MAP3K3: variants seen among roughly 807,000 people sequenced by gnomAD.
The protein encoded by MAP3K3 is mitogen-activated protein kinase kinase kinase 3.
Under a neutral mutation model 80.9 loss-of-function variants are expected in MAP3K3, and 12 were observed. The observed-to-expected ratio is 0.15, with a 90% CI of 0.10 to 0.24. The LOEUF is 0.24. Among genes scored for constraint, MAP3K3 ranks in the 10% least tolerant of loss-of-function variants. The pLI is 1.00. For missense variants in MAP3K3, 596 were observed against 834.7 expected (o/e 0.71, Z 3.52); for synonymous variants, 272 against 307.1 (o/e 0.89, Z 1.19).
chr17:63,642,376 C>T (rs538821560), intron 2 of MAP3K3, among the ~76,000 whole-genome samples: 89 of 152,190 alleles, frequency 5.8e-4, no homozygotes, highest in Non-Finnish European at 1.1e-3. Context: ...AATGTTGTCC[C>T]AGGGCTGGGG....
In MAP3K3 at chr17:63,662,409, T is replaced by C. The variant is rs573575643; in HGVS notation, c.381+4502T>C. 2.6e-5 allele frequency among the ~76,000 whole-genome samples: 4 copies of C among 152,056 alleles called. No individual in the cohort carries two copies. In the East Asian group the frequency reaches 7.7e-4, roughly 29 times the overall value. On this transcript the variant is annotated intron_variant, in intron 5 of 15. Coordinates refer to ENST00000361733, the MANE Select transcript of MAP3K3 (RefSeq NM_002401.5). ...CAGCCTGGGTGACAGAGTAAGACCC[T>C]GTCTCGAATAATAGTAATAATAACA...
chr17:63,655,291 G>C (rs1392074079), intron 4 of MAP3K3, among the ~76,000 whole-genome samples: 1 of 152,072 alleles, frequency 6.6e-6, no homozygotes, highest in African/African-American at 2.4e-5. Context: ...CCACCCCCGT[G>C]ATTCAGTTAC....
chr17:63,687,525 A>G (rs560227836), intron 8 of MAP3K3, among the ~76,000 whole-genome samples: 1 of 151,402 alleles, frequency 6.6e-6, no homozygotes, highest in South Asian at 2.1e-4. Flanking sequence ...AAGAAAAAAA[A>G]AAAAAGCAAA....
chr17:63,684,906 A>G (rs1363065436), intron 7 of MAP3K3, among the ~76,000 whole-genome samples: 2 of 152,180 alleles, frequency 1.3e-5, no homozygotes, highest in African/African-American at 2.4e-5. Context: ...TTGATTGGAG[A>G]AAAAGGGATT....
intron 3 of MAP3K3, among the ~76,000 whole-genome samples, chr17:63,646,782 T>C (rs1444226157): frequency 1.3e-5 from 2 of 152,210 alleles, no homozygotes; most frequent in Non-Finnish European, 2.9e-5. Flanking sequence ...TCTGAAGTTA[T>C]TTAAGGAAAA....
chr17:63,648,536 A>T (rs2034584703), intron 3 of MAP3K3, among the ~76,000 whole-genome samples: 1 of 152,208 alleles, frequency 6.6e-6, no homozygotes, highest in African/African-American at 2.4e-5. Flanking sequence ...TATAAGAATT[A>T]CAGTCTGGGC....
intron 5 of MAP3K3, among the ~76,000 whole-genome samples, chr17:63,658,502 G>A (rs989872549): frequency 4.6e-5 from 7 of 152,136 alleles, no homozygotes; most frequent in Non-Finnish European, 7.4e-5. Context: ...ATTCCTGGAG[G>A]CCCGCATTTC....
chr17:63,664,172 G>A (rs573377837), intron 5 of MAP3K3, among the ~76,000 whole-genome samples: 8 of 148,592 alleles, frequency 5.4e-5, no homozygotes, highest in South Asian at 2.1e-4. Context: ...GCGTGAACCC[G>A]GGAGGCGGAG....
intron 5 of MAP3K3, among the ~76,000 whole-genome samples, chr17:63,662,846 TG>T (rs2034922231): frequency 7.4e-6 from 1 of 134,566 alleles, no homozygotes; most frequent in African/African-American, 3.0e-5. Flanking sequence ...TTAGTGGAGA[TG>T]GGGTTGGGCG....
rs150723585 is a variant in MAP3K3, at chr17:63,636,840, G to A, written c.126+4038G>A. The A allele has an allele frequency of 1.0e-3, 369 of 360,388 alleles. 4 individuals are homozygous for A. In the East Asian group the frequency reaches 0.023, roughly 22 times the overall value. The allele number at this position is 360,388 out of a possible 1,614,324, so 22.3% of individuals were successfully genotyped here. ...TGGAGAAGAAGGCCAAGAAGACTGC[G>A]TTGGTGGTCAAGTCCTCCATCCCGC... On this transcript the variant is annotated intron_variant, in intron 2 of 15. Transcript: ENST00000361733.
At chr17:63,670,608 A>G (rs2035087943) in intron 6 of MAP3K3, among the ~76,000 whole-genome samples, 1 of 149,102 alleles carries the variant, frequency 6.7e-6, no homozygotes, top group Admixed American at 6.7e-5. Context: ...AAAAAAAAAA[A>G]GAAAGAAAGA....
chr17:63,628,897 CA>C (rs1482160226), intron 1 of MAP3K3, among the ~76,000 whole-genome samples: 1 of 152,074 alleles, frequency 6.6e-6, no homozygotes, highest in East Asian at 1.9e-4. Flanking sequence ...TAATAATAGC[CA>C]GCATTTTTTT....
intron 6 of MAP3K3, 84 bp from the exon 7 acceptor site, chr17:63,681,682 G>T: frequency 7.9e-7 from 1 of 1,263,338 alleles, no homozygotes. Flanking sequence ...TGACCTCTAG[G>T]GCCTAATAGT....
At chr17:63,631,014 C>T (rs1454363631) in intron 1 of MAP3K3, among the ~76,000 whole-genome samples, 4 of 152,054 alleles carry the variant, frequency 2.6e-5, no homozygotes, top group African/African-American at 9.7e-5. Flanking sequence ...GGGCCAGGCA[C>T]GGTGGCTTAT....
chr17:63,659,773 C>T (rs1454340021), intron 5 of MAP3K3, among the ~76,000 whole-genome samples: 2 of 151,932 alleles, frequency 1.3e-5, no homozygotes, highest in South Asian at 2.1e-4. Flanking sequence ...CCTTGTGATC[C>T]GCCCGCCTTG....
At chr17:63,627,009 C>T (rs1012544328) in intron 1 of MAP3K3, among the ~76,000 whole-genome samples, 7 of 152,068 alleles carry the variant, frequency 4.6e-5, no homozygotes, top group African/African-American at 1.7e-4. Context: ...GGTTGTTAGC[C>T]AAGGGAACTC....
intron 2 of MAP3K3, among the ~76,000 whole-genome samples, chr17:63,644,869 A>G (rs2034510999): frequency 6.6e-6 from 1 of 152,084 alleles, no homozygotes; most frequent in African/African-American, 2.4e-5. Context: ...TTCATCGACT[A>G]TGACTTCATT....
intron 2 of MAP3K3, among the ~76,000 whole-genome samples, chr17:63,643,684 G>A (rs2034488746): frequency 6.6e-6 from 1 of 152,132 alleles, no homozygotes; most frequent in Admixed American, 6.5e-5. Flanking sequence ...GCAGGAACAG[G>A]TAAAAGGATG....
intron 11 of MAP3K3, 151 bp from the exon 12 acceptor site, chr17:63,690,113 C>T (rs1242137970): frequency 3.4e-6 from 3 of 876,640 alleles, no homozygotes; most frequent in African/African-American, 3.4e-5. Flanking sequence ...GGGCACTGGG[C>T]TTGCTCCAGA....
Sources: gnomAD v4.1 joint callset for allele counts (sites outside exome capture counted in the v4.1 genomes callset) on GRCh38, gnomAD v4.1.1 for gene constraint, MANE v1.5 for transcripts, NCBI Gene and HGNC (gene_info 2026-07-23, HGNC 2026-07-21) for gene names.